Variants in SQLE observed in about 807,000 individuals in gnomAD.
SQLE encodes the protein squalene epoxidase, also known as squalene monooxygenase.
A neutral mutation model predicts 60.7 loss-of-function variants in SQLE; 29 were observed. The observed-to-expected ratio is 0.48, with a 90% CI of 0.36 to 0.65. SQLE has a LOEUF of 0.65. Among genes scored for constraint, SQLE ranks in the 30% least tolerant of loss-of-function variants. SQLE has a pLI of 0.00. For missense variants in SQLE, 605 were observed against 684.1 expected (o/e 0.88, Z 1.29); for synonymous variants, 237 against 246.8 (o/e 0.96, Z 0.37).
At chr8:125,018,947 C>T in intron 9 of SQLE, 1 of 484,036 alleles carries the variant, frequency 2.1e-6, no homozygotes, top group Non-Finnish European at 3.6e-6. Flanking sequence ...AATAGCAATG[C>T]CTCAGTAACA....
Position 125,009,229 on chromosome 8 carries a change from G to A in SQLE, c.994G>A (p.Val332Ile). 1 of 1,613,880 alleles carries A rather than the reference G, an allele frequency of 6.2e-7. No individual in the cohort carries two copies. The highest frequency in any genetic ancestry group is 8.5e-7 in the Non-Finnish European group (1 of 1,179,854). The change falls in exon 6 of 11, where the codon GTT becomes ATT. Residue 332 changes from valine to isoleucine, a missense_variant. Coordinates refer to ENST00000265896, the MANE Select transcript of SQLE (RefSeq NM_003129.4). ...ACTTATTTTAGCTAACCCGAGTCCA[G>A]TTCTCATCTACCAGATTTCATCCAG... Reference protein sequence around the residue: ...AELILANPSPVLIYQISSSET... With the variant: ...AELILANPSPILIYQISSSET...
At chr8:125,006,288 C>T (rs1588112778) in intron 3 of SQLE, among the ~76,000 whole-genome samples, 3 of 152,238 alleles carry the variant, frequency 2.0e-5, no homozygotes, top group Middle Eastern at 6.8e-3. Flanking sequence ...ACTAAAAAGA[C>T]TTGATATCCA....
intron 4 of SQLE, among the ~76,000 whole-genome samples, chr8:125,008,277 C>T (rs566821593): frequency 7.5e-4 from 114 of 152,122 alleles, no homozygotes; most frequent in African/African-American, 2.2e-3. Flanking sequence ...TTAATAGAGA[C>T]GGGGTTTCTC....
intron 9 of SQLE, 61 bp downstream of exon 9, chr8:125,018,788 A>C: frequency 9.2e-7 from 1 of 1,092,466 alleles, no homozygotes; most frequent in Non-Finnish European, 1.3e-6. Context: ...GTAGGAAAGG[A>C]ATAAACAAGT....
chr8:125,017,339 C>G (rs1161207020), intron 7 of SQLE, among the ~76,000 whole-genome samples: 1 of 151,750 alleles, frequency 6.6e-6, no homozygotes, highest in African/African-American at 2.4e-5. Flanking sequence ...AAGACATATT[C>G]CTTCCCACTC....
chr8:125,017,319 C>T (rs945608652), intron 7 of SQLE, among the ~76,000 whole-genome samples: 8 of 151,912 alleles, frequency 5.3e-5, no homozygotes, highest in Admixed American at 6.6e-5. Context: ...TGAGCTGGCA[C>T]CCAAACCTTA....
intron 1 of SQLE, among the ~76,000 whole-genome samples, chr8:125,002,303 C>T (rs1464245985): frequency 1.3e-5 from 2 of 152,072 alleles, no homozygotes; most frequent in East Asian, 1.9e-4. Context: ...TTTGACAATC[C>T]TTTTGTCATA....
chr8:125,022,218 A>G lies in SQLE; in HGVS notation c.*273A>G. The G allele has an allele frequency of 4.5e-6, 1 of 221,864 alleles. No individual in the cohort carries two copies. The highest frequency in any genetic ancestry group is 8.8e-6 in the Non-Finnish European group (1 of 113,992). The allele number at this position is 221,864 out of a possible 1,614,324, so 13.7% of individuals were successfully genotyped here. A position where few individuals can be genotyped will look rare whatever the true frequency, so the allele number is the denominator to read the frequency against. ...TAGTGCTAATGCTGAGGAGAACTAC[A>G]GTTTTTCTTTTGAATTTAGTATTTG... On this transcript the variant is annotated 3_prime_UTR_variant, in exon 11 of 11. Transcript: ENST00000265896.
rs755106693 is a variant in SQLE, at chr8:125,021,872, G to A, written c.1652G>A (p.Gly551Asp). ...ITKPRALLSSGAVLYKACSVI... is the reference protein window; with the variant it reads ...ITKPRALLSSDAVLYKACSVI... ...AAACCTCGAGCCCTTCTCAGTAGTGGTGCTGTATTGTACAAAGCGTGTTCT... is the reference window on the plus strand; with the variant it reads ...AAACCTCGAGCCCTTCTCAGTAGTGATGCTGTATTGTACAAAGCGTGTTCT... The change falls in exon 11 of 11, where the codon GGT (glycine) becomes GAT (aspartate). Residue 551 changes from glycine (G) to aspartate (D), a missense_variant. By Grantham distance (94) the Gly-to-Asp change is moderately conservative. Coordinates refer to ENST00000265896, the MANE Select transcript of SQLE (RefSeq NM_003129.4). The A allele has an allele frequency of 6.2e-7, 1 of 1,610,938 alleles. No homozygotes were observed. Among genetic ancestry groups the A allele is most frequent in the Non-Finnish European group, 8.5e-7 (1 of 1,178,300 alleles).
chr8:125,003,122 T>C, intron 1 of SQLE, 54 bp from the exon 2 acceptor site: 2 of 1,508,082 alleles, frequency 1.3e-6, no homozygotes, highest in South Asian at 1.3e-5. Context: ...AGCGGTAGCA[T>C]GATTTGAATC....
intron 7 of SQLE, 150 bp from the exon 8 acceptor site, chr8:125,017,909 T>G: frequency 1.0e-5 from 10 of 956,472 alleles, no homozygotes; most frequent in Non-Finnish European, 1.5e-5. Context: ...AATTTTTGCC[T>G]CAGCAAATTT....
chr8:125,020,772 AT>A lies in SQLE; in HGVS notation c.1445-8del. 4 of 1,582,750 alleles carry A rather than the reference AT, an allele frequency of 2.5e-6. No homozygotes were observed. The highest frequency in any genetic ancestry group is 3.5e-6 in the Non-Finnish European group (4 of 1,153,238). ...TGTACACATATTTGATTATTTTACA[AT>A]TTTATTTTAGATTCCCTGCATCAAC... On this transcript the variant is annotated splice_polypyrimidine_tract_variant and intron_variant, in intron 9 of 10. Transcript: ENST00000265896.
intron 10 of SQLE, among the ~76,000 whole-genome samples, 198 bp from the exon 11 acceptor site, chr8:125,021,555 T>G (rs1815205369): frequency 2.1e-5 from 3 of 143,948 alleles, no homozygotes; most frequent in East Asian, 2.1e-4. Context: ...GGGTGGGGGG[T>G]TTGCTCCTGC....
Position 125,021,813 on chromosome 8 carries a change from G to T in SQLE, c.1593G>T (p.Val531=). 1 of 1,609,958 alleles carries T rather than the reference G, an allele frequency of 6.2e-7. No homozygotes were observed. The highest frequency in any genetic ancestry group is 8.5e-7 in the Non-Finnish European group (1 of 1,177,832). Residue 531 remains valine (V), a synonymous_variant, in exon 11 of 11, where the codon GTG becomes GTT. Transcript: ENST00000265896. The stretch of plus-strand genomic sequence containing the variant: ...TCTTTGCTGTTGCAATCTATGCCGT[G>T]TATTTTTGCTTTAAGTCAGAACCTT... The part of the protein sequence containing the change: ...GHFFAVAIYA[V]YFCFKSEPWI...
chr8:125,018,604 A>G, intron 8 of SQLE, 27 bp from the exon 9 acceptor site: 9 of 1,480,072 alleles, frequency 6.1e-6, no homozygotes, highest in Non-Finnish European at 6.5e-6. Context: ...TCCTTACCAT[A>G]TAATAAATGA....
At position 124,999,478 on chromosome 8, in the gene SQLE, C is replaced by G. The variant is rs1405508341; in HGVS notation, c.75C>G (p.Asn25Lys). Residue 25 changes from asparagine to lysine, a missense_variant, in exon 1 of 11, where the codon AAC becomes AAG. Coordinates refer to ENST00000265896, the MANE Select transcript of SQLE (RefSeq NM_003129.4). ...KKFGDFITLANREVLLCVLVF... is the reference protein window; with the variant it reads ...KKFGDFITLAKREVLLCVLVF... ...TCGGGGACTTCATCACTTTGGCCAACAGGGAGGTCCTGTTGTGCGTGCTGG... is the reference window on the plus strand; with the variant it reads ...TCGGGGACTTCATCACTTTGGCCAAGAGGGAGGTCCTGTTGTGCGTGCTGG... 1.9e-6 allele frequency: 3 copies of G among 1,577,396 alleles called. No homozygotes were observed. The highest frequency in any genetic ancestry group is 2.6e-6 in the Non-Finnish European group (3 of 1,161,858).
chr8:125,013,166 T>C (rs1237248411), intron 7 of SQLE, among the ~76,000 whole-genome samples: 1 of 152,178 alleles, frequency 6.6e-6, no homozygotes, highest in Non-Finnish European at 1.5e-5. Flanking sequence ...CCTTATTAGA[T>C]ATGTGATTTG....
intron 3 of SQLE, among the ~76,000 whole-genome samples, chr8:125,007,179 AATATT>A (rs1429725838): frequency 6.6e-6 from 1 of 152,192 alleles, no homozygotes; most frequent in African/African-American, 2.4e-5. Flanking sequence ...ATATTTTTAA[AATATT>A]TAATGATTAC....
chr8:125,011,640 T>C lies in SQLE; in HGVS notation c.1204+8T>C. 2.6e-6 allele frequency: 4 copies of C among 1,558,862 alleles called. No homozygotes were observed. Among genetic ancestry groups the C allele is most frequent in the Non-Finnish European group, 3.5e-6 (4 of 1,149,490 alleles). On this transcript the variant is annotated splice_region_variant and intron_variant, in intron 7 of 10. Transcript: ENST00000265896. ...CATCAGTGAAGAAACGAGGTATTAT[T>C]TTTTGGGCTTATTTTATAAAGGAAT...
Sources: gnomAD v4.1 joint callset for allele counts (sites outside exome capture counted in the v4.1 genomes callset) on GRCh38, gnomAD v4.1.1 for gene constraint, MANE v1.5 for transcripts, NCBI Gene and HGNC (gene_info 2026-07-23, HGNC 2026-07-21) for gene names.